Variants in FAT4 observed in about 807,000 individuals in gnomAD.
The protein encoded by FAT4 is FAT atypical cadherin 4, also known as protocadherin Fat 4.
FAT4 carries 84 observed loss-of-function variants against 303.9 expected under a neutral mutation model. The observed-to-expected ratio is 0.28, with a 90% confidence interval of 0.23 to 0.33. The LOEUF is 0.33. FAT4 is among the 10% of genes least tolerant of loss of function. The pLI is 1.00. For synonymous variants in FAT4, 2,307 were observed against 2,298.8 expected, an observed-to-expected ratio of 1.00 and a Z score of -0.10; for missense variants, 6,005 against 6,146.8, an observed-to-expected ratio of 0.98 and a Z score of 0.77.
chr4:125,451,867 G>T lies in FAT4; in HGVS notation c.10857G>T (p.Val3619=), dbSNP rs1726091601. The T allele has an allele frequency of 6.2e-7, 1 of 1,613,918 alleles. No individual in the cohort carries two copies. Among genetic ancestry groups the T allele is most frequent in the African/African-American group, 1.3e-5 (1 of 74,922 alleles). Residue 3619 remains valine, a synonymous_variant, in exon 10 of 18, where the codon GTG becomes GTT. Transcript: ENST00000394329. ...ACAATCCTTCACAGTCTCGGACGGT[G>T]GAGATATTTGTTAATTATTATGGTA... ...QNDNPSQSRT[V]EIFVNYYGNL... is the part of the protein sequence containing the mutation.
At chr4:125,437,330 G>A (rs1258357819) in intron 8 of FAT4, among the ~76,000 whole-genome samples, 2 of 152,164 alleles carry the variant, frequency 1.3e-5, no homozygotes, top group African/African-American at 4.8e-5. Flanking sequence ...AGGAGTTAAG[G>A]TAGGAGTTAA....
At chr4:125,338,192 G>A (rs1731647029) in intron 2 of FAT4, among the ~76,000 whole-genome samples, 1 of 152,104 alleles carries the variant, frequency 6.6e-6, no homozygotes, top group African/African-American at 2.4e-5. Flanking sequence ...AGGATTTCTG[G>A]TTTTGTTCTG....
chr4:125,442,682 T>G (rs1468056843), intron 8 of FAT4, among the ~76,000 whole-genome samples: 1 of 152,104 alleles, frequency 6.6e-6, no homozygotes, highest in Non-Finnish European at 1.5e-5. Context: ...TTGAGACCCA[T>G]CCCCTAGATC....
At chr4:125,370,493 T>G (rs1733063902) in intron 2 of FAT4, among the ~76,000 whole-genome samples, 1 of 152,142 alleles carries the variant, frequency 6.6e-6, no homozygotes, top group Admixed American at 6.5e-5. Context: ...CAGCTCTACT[T>G]TACAGCCATA....
At chr4:125,333,919 G>A (rs1016914900) in intron 2 of FAT4, among the ~76,000 whole-genome samples, 2 of 152,118 alleles carry the variant, frequency 1.3e-5, no homozygotes, top group Non-Finnish European at 2.9e-5. Context: ...CTAGGAAGGT[G>A]AGGAATCAAT....
intron 2 of FAT4, among the ~76,000 whole-genome samples, chr4:125,333,234 A>T (rs1053007459): frequency 2.6e-5 from 4 of 152,074 alleles, no homozygotes; most frequent in African/African-American, 7.2e-5. Context: ...TATGTAAGTC[A>T]TGGTGCTCTT....
rs539884285 is a variant in FAT4 at position 125,413,160 on chromosome 4, T to TTA, written c.5921-1712_5921-1711dup. On this transcript the variant is annotated intron_variant, in intron 5 of 17. Coordinates refer to ENST00000394329, the MANE Select transcript of FAT4 (RefSeq NM_001291303.3). The stretch of plus-strand genomic sequence containing the variant: ...CGTTGTAATGAAAGTCCTAAAAGCT[T>TTA]TATATATATATATGTGAAGATAGTG... Among the ~76,000 whole-genome samples the TTA allele has an allele frequency of 2.3e-3, 353 of 151,318 alleles. 3 individuals carry two copies. Among genetic ancestry groups the TTA allele is most frequent in the Non-Finnish European group, 3.5e-3 (236 of 67,578 alleles).
intron 10 of FAT4, among the ~76,000 whole-genome samples, chr4:125,459,899 A>G (rs1364400247): frequency 6.6e-6 from 1 of 152,092 alleles, no homozygotes. Flanking sequence ...TTAAGTAGAT[A>G]GACTTGCACA....
At chr4:125,453,840 G>A (rs886292742) in intron 10 of FAT4, among the ~76,000 whole-genome samples, 6 of 152,162 alleles carry the variant, frequency 3.9e-5, no homozygotes, top group African/African-American at 1.4e-4. Flanking sequence ...AAACATAGCA[G>A]TAAAAATTTT....
chr4:125,327,001 G>A (rs1731184230), intron 2 of FAT4, among the ~76,000 whole-genome samples: 1 of 152,056 alleles, frequency 6.6e-6, no homozygotes, highest in African/African-American at 2.4e-5. Flanking sequence ...CTCCAGGCTG[G>A]GTGACAGAAT....
chr4:125,436,998 G>A (rs1311348706), intron 8 of FAT4, among the ~76,000 whole-genome samples: 3 of 152,000 alleles, frequency 2.0e-5, no homozygotes, highest in Non-Finnish European at 4.4e-5. Context: ...GGGATTACAG[G>A]TGCACGCCAC....
At chr4:125,475,290 C>T (rs1726989664) in intron 12 of FAT4, among the ~76,000 whole-genome samples, 1 of 152,162 alleles carries the variant, frequency 6.6e-6, no homozygotes, top group South Asian at 2.1e-4. Context: ...AGATATACAA[C>T]TTTGGTCTTA....
chr4:125,433,885 T>C (rs1386289956), intron 7 of FAT4, among the ~76,000 whole-genome samples: 1 of 152,188 alleles, frequency 6.6e-6, no homozygotes, highest in Admixed American at 6.6e-5. Flanking sequence ...TGGGTATTCT[T>C]CAAATCTGGT....
intron 7 of FAT4, among the ~76,000 whole-genome samples, chr4:125,422,964 T>C (rs909333365): frequency 6.6e-6 from 1 of 152,168 alleles, no homozygotes; most frequent in African/African-American, 2.4e-5. Context: ...TCACTCTTGC[T>C]ATGCAAAGAG....
chr4:125,352,232 T>G lies in FAT4; in HGVS notation c.5175+30646T>G, dbSNP rs939764871. Among the ~76,000 whole-genome samples, 7 of 151,590 alleles carry G rather than the reference T, an allele frequency of 4.6e-5. No homozygotes were observed. The South Asian group carries it at 1.2e-3, about 27-fold the overall frequency. On this transcript the variant is annotated intron_variant, in intron 2 of 17. Transcript: ENST00000394329. ...GTAATTACGTTAGTGGTAATTAAAATATTCTGGAAACATTTTTTGGTCACC... is the reference window on the plus strand; with the variant it reads ...GTAATTACGTTAGTGGTAATTAAAAGATTCTGGAAACATTTTTTGGTCACC...
intron 10 of FAT4, among the ~76,000 whole-genome samples, chr4:125,455,867 G>A (rs138533668): frequency 7.0e-4 from 106 of 152,304 alleles, no homozygotes; most frequent in Non-Finnish European, 1.3e-3. Flanking sequence ...CTTTGAGGCA[G>A]GAAAGTATTT....
chr4:125,406,495 G>A (rs558176897), intron 3 of FAT4, among the ~76,000 whole-genome samples: 2 of 152,160 alleles, frequency 1.3e-5, no homozygotes, highest in South Asian at 2.1e-4. Flanking sequence ...TTGTGGTTTC[G>A]TATGAATTTT....
chr4:125,449,996 A>C lies in FAT4; in HGVS notation c.8986A>C (p.Lys2996Gln). The change falls in exon 10 of 18, where the codon AAA becomes CAA. Residue 2996 changes from lysine to glutamine, a missense_variant. Coordinates refer to ENST00000394329, the MANE Select transcript of FAT4 (RefSeq NM_001291303.3). ...AAGTAAATATTTCACTCCAGTCACC[A>C]AAAATGTTAAGGTTGGTACGAAGTT... Reference protein sequence around the residue: ...LKSKYFTPVTKNVKVGTKLIR... With the variant: ...LKSKYFTPVTQNVKVGTKLIR... 6.2e-7 allele frequency: 1 copy of C among 1,613,872 alleles called. No homozygotes were observed. Among genetic ancestry groups the C allele is most frequent in the Non-Finnish European group, 8.5e-7 (1 of 1,179,914 alleles).
chr4:125,397,133 C>T (rs13136889), intron 2 of FAT4, among the ~76,000 whole-genome samples: 28,053 of 151,768 alleles, frequency 0.18, 2,867 homozygotes, highest in East Asian at 0.38. Context: ...TCTGTCCTAA[C>T]AGCTTGAAAA....
Sources: gnomAD v4.1 joint callset for allele counts (sites outside exome capture counted in the v4.1 genomes callset) on GRCh38, gnomAD v4.1.1 for gene constraint, MANE v1.5 for transcripts, NCBI Gene and HGNC (gene_info 2026-07-23, HGNC 2026-07-21) for gene names.